The following IDO1 variants were observed in gnomAD, a reference collection of about 807,000 sequenced individuals.
IDO1 encodes indoleamine 2,3-dioxygenase 1.
Under a neutral mutation model 38.8 loss-of-function variants are expected in IDO1, and 35 were observed. The ratio of observed to expected loss-of-function variants is 0.90; its 90% CI spans 0.69 to 1.20. The LOEUF is 1.20. Ranked by LOEUF, IDO1 falls within the 50% of genes most tolerant of loss-of-function variation. The pLI is 0.00. For synonymous variants in IDO1, 171 were observed against 170.0 expected (o/e 1.01, Z -0.05); for missense variants, 509 against 485.1 (o/e 1.05, Z -0.46).
intron 9 of IDO1, among the ~76,000 whole-genome samples, chr8:39,927,429 G>T (rs1000873500): frequency 6.6e-6 from 1 of 151,666 alleles, no homozygotes. Context: ...GCATGGTGGC[G>T]CATGCCTGAA....
At chr8:39,914,939 G>A (rs1038173527) in intron 1 of IDO1, among the ~76,000 whole-genome samples, 2 of 152,016 alleles carry the variant, frequency 1.3e-5, no homozygotes, top group African/African-American at 4.8e-5. Flanking sequence ...CTACTTTTTT[G>A]TATTTTTAGT....
At chr8:39,920,071 G>A in intron 4 of IDO1, 29 bp from the exon 5 acceptor site, 2 of 1,605,252 alleles carry the variant, frequency 1.2e-6, no homozygotes, top group Middle Eastern at 1.7e-4. Context: ...CTTCCAATTG[G>A]TCCATTGCTT....
intron 9 of IDO1, among the ~76,000 whole-genome samples, chr8:39,927,387 C>G (rs1056593552): frequency 5.9e-5 from 9 of 151,764 alleles, no homozygotes; most frequent in South Asian, 2.1e-4. Context: ...ATGGAGAAAC[C>G]CTGTCTCTAC....
Position 39,914,548 on chromosome 8 carries a change from T to C in IDO1, c.87+539T>C, listed in dbSNP as rs981089002. ...TCAAGTGAGAGTCTGAACTACCTTT[T>C]TTCTTGTTTGCAAGTCTTACCTATA... On this transcript the variant is annotated intron_variant, in intron 1 of 9. Coordinates refer to ENST00000518237, the MANE Select transcript of IDO1 (RefSeq NM_002164.6). 2.5e-4 allele frequency among the ~76,000 whole-genome samples: 38 copies of C among 152,216 alleles called. 1 individual carries two copies. The highest frequency in any genetic ancestry group is 3.2e-4 in the Non-Finnish European group (22 of 68,046).
intron 1 of IDO1, 52 bp from the exon 2 acceptor site, chr8:39,917,823 C>T: frequency 1.6e-6 from 2 of 1,280,404 alleles, no homozygotes; most frequent in Non-Finnish European, 2.2e-6. Flanking sequence ...AGTGGGAAGC[C>T]AAATCTACAA....
chr8:39,915,717 C>T (rs1243592562), intron 1 of IDO1: 1 of 152,170 alleles, frequency 6.6e-6, no homozygotes, highest in Non-Finnish European at 1.5e-5. Context: ...TCAGAAACTA[C>T]TAAACTTTGT....
chr8:39,916,131 A>C (rs958710875), intron 1 of IDO1, among the ~76,000 whole-genome samples: 3 of 151,996 alleles, frequency 2.0e-5, no homozygotes, highest in African/African-American at 7.3e-5. Context: ...ACGCCACCGC[A>C]CTCCAGCCTG....
chr8:39,926,316 A>G (rs1807359110), intron 9 of IDO1, among the ~76,000 whole-genome samples: 1 of 152,258 alleles, frequency 6.6e-6, no homozygotes, highest in Non-Finnish European at 1.5e-5. Flanking sequence ...GGTGAAGCCA[A>G]TATCACATGC....
At chr8:39,920,000 A>G in intron 4 of IDO1, 100 bp from the exon 5 acceptor site, 1 of 1,008,258 alleles carries the variant, frequency 9.9e-7, no homozygotes, top group Non-Finnish European at 1.6e-6. Context: ...CTCTGATAGT[A>G]GCATTCAATC....
At chr8:39,914,813 T>G (rs190034388) in intron 1 of IDO1, among the ~76,000 whole-genome samples, 1 of 152,334 alleles carries the variant, frequency 6.6e-6, no homozygotes, top group East Asian at 1.9e-4. Context: ...TCACCTGGGC[T>G]GGAGTGCAGT....
chr8:39,914,116 A>G (rs372733090), intron 1 of IDO1, 107 bp downstream of exon 1: 2 of 737,430 alleles, frequency 2.7e-6, no homozygotes, highest in East Asian at 5.5e-5. Context: ...TCTAGTAAAC[A>G]AACACATAAA....
At chr8:39,927,556 T>C (rs2129592508) in intron 9 of IDO1, among the ~76,000 whole-genome samples, 1 of 141,444 alleles carries the variant, frequency 7.1e-6, no homozygotes, top group Non-Finnish European at 1.5e-5. Context: ...CGAGACTCTG[T>C]CTCAAAAAAA....
At chr8:39,920,034 T>C in intron 4 of IDO1, 66 bp from the exon 5 acceptor site, 2 of 1,353,200 alleles carry the variant, frequency 1.5e-6, no homozygotes, top group Non-Finnish European at 2.1e-6. Flanking sequence ...TCATCATTAT[T>C]TGATGTTAAA....
At chr8:39,922,960 A>G (rs1266727438) in intron 6 of IDO1, 3 of 330,232 alleles carry the variant, frequency 9.1e-6, no homozygotes, top group African/African-American at 6.4e-5. Context: ...AATAGAAATG[A>G]AACATATACA....
intron 8 of IDO1, 109 bp downstream of exon 8, chr8:39,924,881 CA>C: frequency 1.2e-6 from 1 of 802,532 alleles, no homozygotes; most frequent in Non-Finnish European, 2.1e-6. Flanking sequence ...AATTTACATC[CA>C]AAAATTCACA....
chr8:39,928,437 A>AAGAT lies in IDO1; in HGVS notation c.*254_*257dup. The stretch of plus-strand genomic sequence containing the variant: ...TGACATTCAATAAATAAAAATGCAT[A>AAGAT]AGATATATTCTGTCGGCTGGGCGCG... On this transcript the variant is annotated 3_prime_UTR_variant, in exon 10 of 10. Coordinates refer to ENST00000518237, the MANE Select transcript of IDO1 (RefSeq NM_002164.6). 2.6e-6 allele frequency: 1 copy of AAGAT among 381,402 alleles called. No homozygotes were observed. Among genetic ancestry groups the AAGAT allele is most frequent in the Non-Finnish European group, 4.8e-6 (1 of 209,718 alleles). The allele number at this position is 381,402 out of a possible 1,614,324, so 23.6% of individuals were successfully genotyped here. A position where few individuals can be genotyped will look rare whatever the true frequency, so the allele number is the denominator to read the frequency against.
In IDO1 at chr8:39,924,784, T is replaced by C; in HGVS notation, c.707+12T>C. On this transcript the variant is annotated intron_variant, in intron 8 of 9. Transcript: ENST00000518237. Reference sequence around the variant, plus strand: ...ATATATTTGTCTGGGTATGTAGTCTTATGTTTGAATTTGTTTGCTCTCACT... The same window carrying C: ...ATATATTTGTCTGGGTATGTAGTCTCATGTTTGAATTTGTTTGCTCTCACT... 1 of 1,595,556 alleles carries C rather than the reference T, an allele frequency of 6.3e-7. No homozygotes were observed. The highest frequency in any genetic ancestry group is 1.3e-5 in the African/African-American group (1 of 74,732).
chr8:39,923,387 G>A (rs1403752524), intron 6 of IDO1, 82 bp from the exon 7 acceptor site: 1 of 821,672 alleles, frequency 1.2e-6, no homozygotes, highest in Non-Finnish European at 1.9e-6. Context: ...CTGGACAACT[G>A]AGCGAGACTC....
At chr8:39,926,135 C>T (rs906461516) in intron 9 of IDO1, among the ~76,000 whole-genome samples, 1 of 151,888 alleles carries the variant, frequency 6.6e-6, no homozygotes, top group African/African-American at 2.4e-5. Flanking sequence ...TGCAGTGAAC[C>T]GATATGGCGC....
Sources: gnomAD v4.1 joint callset for allele counts (sites outside exome capture counted in the v4.1 genomes callset) on GRCh38, gnomAD v4.1.1 for gene constraint, MANE v1.5 for transcripts, NCBI Gene and HGNC (gene_info 2026-07-23, HGNC 2026-07-21) for gene names.